PHF6: variants seen among roughly 807,000 people sequenced by gnomAD.
PHF6 encodes PHD finger protein 6.
A neutral mutation model predicts 34.0 loss-of-function variants in PHF6; 7 were observed. The ratio of observed to expected loss-of-function variants is 0.21; its 90% CI spans 0.12 to 0.39. PHF6 has a LOEUF of 0.39. PHF6 is among the 10% of genes least tolerant of loss of function. The pLI is 1.00. For synonymous variants in PHF6, 89 were observed against 88.4 expected (o/e 1.01, Z -0.04); for missense variants, 128 against 262.8 (o/e 0.49, Z 3.55).
intron 3 of PHF6, among the ~76,000 whole-genome samples, chrX:134,380,217 G>A (rs2077300903): frequency 9.4e-6 from 1 of 105,910 alleles, no homozygotes; most frequent in Non-Finnish European, 1.9e-5. Flanking sequence ...CGTGATCTCG[G>A]CTCACTGCAA....
At chrX:134,400,246 T>A (rs1016098732) in intron 5 of PHF6, among the ~76,000 whole-genome samples, 12 of 109,967 alleles carry the variant, frequency 1.1e-4, no homozygotes, top group Non-Finnish European at 2.1e-4. Flanking sequence ...ACCCGGCTAA[T>A]TTTTTTTACA....
chrX:134,404,615 C>T (rs959484020), intron 5 of PHF6, among the ~76,000 whole-genome samples: 8 of 111,849 alleles, frequency 7.2e-5, no homozygotes, highest in Non-Finnish European at 1.1e-4. Flanking sequence ...TGCTATCAAA[C>T]GGCATCTCAT....
In PHF6 at chrX:134,388,426, T is replaced by C. The variant is rs148143066; in HGVS notation, c.241-5075T>C. ...CTTTTGGCATTTTTTTTTCTTTGCC[T>C]ACAGGCTCAAGAACGTGACCTCTTT... On this transcript the variant is annotated intron_variant, in intron 3 of 10. Coordinates refer to ENST00000370803, the MANE Select transcript of PHF6 (RefSeq NM_001015877.2). Among the ~76,000 whole-genome samples the C allele has an allele frequency of 7.2e-3, 804 of 111,751 alleles. 12 individuals carry two copies. The highest frequency in any genetic ancestry group is 0.024 in the African/African-American group (743 of 30,800).
At chrX:134,381,526 C>T (rs1215884124) in intron 3 of PHF6, among the ~76,000 whole-genome samples, 3 of 105,003 alleles carry the variant, frequency 2.9e-5, no homozygotes, top group Non-Finnish European at 5.8e-5. Flanking sequence ...TGGAGTTTCG[C>T]TCTTGTTGCC....
chrX:134,388,576 C>T (rs1162668041), intron 3 of PHF6, among the ~76,000 whole-genome samples: 1 of 111,349 alleles, frequency 9.0e-6, no homozygotes, highest in South Asian at 3.7e-4. Context: ...TACTGACAGA[C>T]ATATTAGATA....
At chrX:134,416,421 T>C (rs1389839431) in intron 8 of PHF6, among the ~76,000 whole-genome samples, 1 of 111,638 alleles carries the variant, frequency 9.0e-6, no homozygotes, top group Non-Finnish European at 1.9e-5. Flanking sequence ...CCATTGAGGA[T>C]TGGGGTAAAC....
chrX:134,405,970 G>A (rs1202140069), intron 5 of PHF6, among the ~76,000 whole-genome samples: 1 of 110,045 alleles, frequency 9.1e-6, no homozygotes, highest in Non-Finnish European at 1.9e-5. Context: ...AAGGCAGGGC[G>A]AATGTCCTCC....
intron 3 of PHF6, 60 bp downstream of exon 3, chrX:134,378,166 T>C (rs2077287371): frequency 6.3e-6 from 5 of 796,870 alleles, no homozygotes. Flanking sequence ...AAAGAGGAAA[T>C]TGCTTATTTT....
chrX:134,406,427 C>A (rs2077425623), intron 5 of PHF6, among the ~76,000 whole-genome samples: 1 of 111,625 alleles, frequency 9.0e-6, no homozygotes, highest in Non-Finnish European at 1.9e-5. Flanking sequence ...CTTTCTACTT[C>A]ACACTGTTAA....
intron 1 of PHF6, among the ~76,000 whole-genome samples, chrX:134,375,496 A>AT (rs2077274791): frequency 9.0e-6 from 1 of 111,405 alleles, no homozygotes; most frequent in African/African-American, 3.3e-5. Flanking sequence ...ATACGAAGTG[A>AT]TTTTTTCCAT....
At chrX:134,378,566 AAC>A (rs1274988786) in intron 3 of PHF6, among the ~76,000 whole-genome samples, 2 of 112,421 alleles carry the variant, frequency 1.8e-5, no homozygotes, top group South Asian at 7.3e-4. Flanking sequence ...TCAGCTGTAT[AAC>A]ACAACATTTA....
intron 1 of PHF6, among the ~76,000 whole-genome samples, chrX:134,376,297 G>A (rs2077278046): frequency 9.0e-6 from 1 of 111,668 alleles, no homozygotes; most frequent in African/African-American, 3.2e-5. Context: ...TTTCAACATA[G>A]TATTATGAAA....
At chrX:134,384,844 G>C (rs1343214548) in intron 3 of PHF6, among the ~76,000 whole-genome samples, 1 of 110,336 alleles carries the variant, frequency 9.1e-6, no homozygotes, top group African/African-American at 3.3e-5. Context: ...GTAGAGACGC[G>C]GTTTCACCGT....
rs1006196669 is a variant in PHF6 at position 134,392,709 on chromosome X, T to C, written c.241-792T>C. The stretch of plus-strand genomic sequence containing the variant: ...AAAACTACCTAATTCTTTCACCTTG[T>C]CTCCTTCCCTCGCTTTAAATGGATT... On this transcript the variant is annotated intron_variant, in intron 3 of 10. Coordinates refer to ENST00000370803, the MANE Select transcript of PHF6 (RefSeq NM_001015877.2). Among the ~76,000 whole-genome samples the C allele has an allele frequency of 3.6e-5, 4 of 111,769 alleles. No homozygotes were observed. The Admixed American group carries it at 3.8e-4, about 11-fold the overall frequency.
At chrX:134,425,066 T>G in intron 9 of PHF6, 135 bp from the exon 10 acceptor site, 1 of 709,876 alleles carries the variant, frequency 1.4e-6, no homozygotes, top group Non-Finnish European at 2.2e-6. Flanking sequence ...CTGTAACTAA[T>G]TGGGGAGTAT....
chrX:134,415,808 C>A (rs1486421906), intron 8 of PHF6, among the ~76,000 whole-genome samples: 1 of 111,047 alleles, frequency 9.0e-6, no homozygotes, highest in East Asian at 2.8e-4. Context: ...TTCATATAGG[C>A]CTTTTATTCT....
At chrX:134,380,547 G>C (rs1053887164) in intron 3 of PHF6, among the ~76,000 whole-genome samples, 1 of 111,157 alleles carries the variant, frequency 9.0e-6, no homozygotes, top group African/African-American at 3.3e-5. Flanking sequence ...CAAATGTAGT[G>C]TGTTACAAAT....
In PHF6 at chrX:134,427,114, C is replaced by A. The variant is rs181993800; in HGVS notation, c.*1454C>A. Reference sequence around the variant, plus strand: ...AGATCACGTTTGTCAAGTGTGTATTCACACATTTACTTAAATCAAGGGACT... The same window carrying A: ...AGATCACGTTTGTCAAGTGTGTATTAACACATTTACTTAAATCAAGGGACT... On this transcript the variant is annotated 3_prime_UTR_variant, in exon 11 of 11. Transcript: ENST00000370803. 616 of 163,730 alleles carry A rather than the reference C, an allele frequency of 3.8e-3. 11 individuals carry two copies. The Admixed American group carries it at 0.039, about 10-fold the overall frequency. The allele number at this position is 163,730 out of a possible 1,213,427, so 13.5% of individuals were successfully genotyped here. A position where few individuals can be genotyped will look rare whatever the true frequency, so the allele number is the denominator to read the frequency against.
At chrX:134,404,501 G>A (rs1481726853) in intron 5 of PHF6, among the ~76,000 whole-genome samples, 1 of 112,118 alleles carries the variant, frequency 8.9e-6, no homozygotes, top group African/African-American at 3.2e-5. Context: ...TTGTTGAAAC[G>A]ACAACAAAGG....
Sources: gnomAD v4.1 joint callset for allele counts (sites outside exome capture counted in the v4.1 genomes callset) on GRCh38, gnomAD v4.1.1 for gene constraint, MANE v1.5 for transcripts, NCBI Gene and HGNC (gene_info 2026-07-23, HGNC 2026-07-21) for gene names.